Variants in TTN observed in about 807,000 individuals in gnomAD.
The protein encoded by TTN is titin, also known as connectin.
A neutral mutation model predicts 3,223.0 loss-of-function variants in TTN; 1,525 were observed. The ratio of observed to expected loss-of-function variants is 0.47; its 90% CI spans 0.45 to 0.49. The LOEUF is 0.49. Among genes scored for constraint, TTN ranks in the 20% least tolerant of loss-of-function variants. The pLI is 0.00. For synonymous variants in TTN, 14,094 were observed against 15,161.0 expected (o/e 0.93, Z 5.17); for missense variants, 40,786 against 43,424.0 (o/e 0.94, Z 5.40).
chr2:178,532,243 T>G lies in TTN; in HGVS notation c.104372A>C (p.Asp34791Ala). The change falls in exon 358 of 363, where the codon GAC becomes GCC. Residue 34791 changes from aspartate to alanine, a missense_variant. Physicochemically the swap from Asp to Ala is moderately radical, Grantham distance 126. Coordinates refer to ENST00000589042, the MANE Select transcript of TTN (RefSeq NM_001267550.2). ...QHLSEYKSELDFMSKEEKSRK... is the reference protein window; with the variant it reads ...QHLSEYKSELAFMSKEEKSRK... ...AGACTTTTCCTCCTTTGACATGAAG[T>G]CAAGTTCGCTTTTGTATTCTGAGAG... The G allele has an allele frequency of 1.2e-6, 2 of 1,613,732 alleles. No individual in the cohort carries two copies. Among genetic ancestry groups the G allele is most frequent in the Non-Finnish European group, 1.7e-6 (2 of 1,179,870 alleles).
In TTN at chr2:178,732,825, C is replaced by T. The variant is rs765915667; in HGVS notation, c.16342+9G>A. 1 of 1,600,986 alleles carries T rather than the reference C, an allele frequency of 6.2e-7. No individual in the cohort carries two copies. The highest frequency in any genetic ancestry group is 8.5e-7 in the Non-Finnish European group (1 of 1,172,390). ...TTAATAAGGATAAAATGCAAAGTCTCCAGCCAACCTTGCACAATCAGGGCT... is the reference window on the plus strand; with the variant it reads ...TTAATAAGGATAAAATGCAAAGTCTTCAGCCAACCTTGCACAATCAGGGCT... On this transcript the variant is annotated intron_variant, in intron 55 of 362. Coordinates refer to ENST00000589042, the MANE Select transcript of TTN (RefSeq NM_001267550.2).
intron 304 of TTN, 29 bp downstream of exon 304, chr2:178,588,509 T>G (rs1292389324): frequency 2.0e-6 from 3 of 1,507,172 alleles, no homozygotes; most frequent in African/African-American, 2.8e-5. Flanking sequence ...AGAGTTGCTG[T>G]AATATCAGAA....
In TTN at chr2:178,535,449, G is replaced by C. The variant is rs866885370; in HGVS notation, c.101166C>G (p.Thr33722=). 3 of 1,613,856 alleles carry C rather than the reference G, an allele frequency of 1.9e-6. No individual in the cohort carries two copies. The Middle Eastern group carries it at 4.9e-4, about 266-fold the overall frequency. ...EPASDGGSKI[T]NYIVEKCATT... ...TTGCACATTTTTCAACAATGTAGTT[G>C]GTGATTTTGCTGCCACCATCAGAGG... The change falls in exon 358 of 363, where the codon ACC becomes ACG. Residue 33722 remains threonine, a synonymous_variant. Transcript: ENST00000589042.
At position 178,591,227 on chromosome 2, in the gene TTN, A is replaced by G; in HGVS notation, c.60498T>C (p.Leu20166=). The change falls in exon 304 of 363, where the codon CTT becomes CTC. Residue 20166 remains leucine (L), a synonymous_variant. Coordinates refer to ENST00000589042, the MANE Select transcript of TTN (RefSeq NM_001267550.2). The part of the protein sequence containing the change: ...AAGSKTVAVH[L]TVLDVPGPPT... ...GTGGCCCAGGAACATCAAGAACAGT[A>G]AGATGTACGGCTACTGTTTTGCTAC... The G allele has an allele frequency of 6.2e-7, 1 of 1,613,464 alleles. No homozygotes were observed. The highest frequency in any genetic ancestry group is 8.5e-7 in the Non-Finnish European group (1 of 1,179,580).
At chr2:178,635,829 C>T in intron 226 of TTN, 114 bp from the exon 227 acceptor site, 1 of 1,512,322 alleles carries the variant, frequency 6.6e-7, no homozygotes, top group Non-Finnish European at 8.9e-7. Context: ...CATAATTAAT[C>T]CACTGTAGGA....
rs72648904 is a variant in TTN at position 178,748,924 on chromosome 2, G to A, written c.11311+4200C>T. 50,671 of 1,612,396 alleles carry A rather than the reference G, an allele frequency of 0.031. 967 individuals carry two copies. Among genetic ancestry groups the A allele is most frequent in the Non-Finnish European group, 0.037 (43,840 of 1,179,220 alleles). On this transcript the variant is annotated intron_variant, in intron 47 of 362. Transcript: ENST00000589042. ...CTCTTTGCTTTAATGAAAAGGCTTT[G>A]TCATCAATCTTCTTTTGAGGAGGAT...
At chr2:178,555,284 A>G in intron 330 of TTN, 132 bp from the exon 331 acceptor site, 1 of 860,076 alleles carries the variant, frequency 1.2e-6, no homozygotes. Flanking sequence ...AATTCTATGC[A>G]ATTATTATTT....
rs1700246631 is a variant in TTN, at chr2:178,553,748, G to A, written c.89257C>T (p.Leu29753Phe). 6.2e-7 allele frequency: 1 copy of A among 1,611,284 alleles called. No homozygotes were observed. Among genetic ancestry groups the A allele is most frequent in the African/African-American group, 1.3e-5 (1 of 74,888 alleles). ...IADSTKSSIT[L>F]GWSKPVYDGG... ...TCATAGACAGGCTTACTCCAGCCAA[G>A]GGTGATGGATGACTTGGTTGAATCT... The change falls in exon 334 of 363, where the codon CTT (leucine) becomes TTT (phenylalanine). Residue 29753 changes from leucine to phenylalanine, a missense_variant. Transcript: ENST00000589042.
At chr2:178,600,768 A>T in intron 288 of TTN, 86 bp downstream of exon 288, 1 of 1,499,490 alleles carries the variant, frequency 6.7e-7, no homozygotes, top group Non-Finnish European at 9.3e-7. Flanking sequence ...AGGTACAGAT[A>T]TAGCTCTTTT....
intron 24 of TTN, chr2:178,778,282 CT>C (rs1168430989): frequency 1.7e-4 from 58 of 348,834 alleles, no homozygotes; most frequent in Admixed American, 1.4e-3. Flanking sequence ...AGTCACTAGA[CT>C]TTTTTGATTT....
Position 178,553,613 on chromosome 2 carries a change from A to C in TTN, c.89392T>G (p.Ser29798Ala), listed in dbSNP as rs886055232. ...GEVRTTEYVV[S>A]NLKPGVNYYF... is the part of the protein sequence containing the mutation. ...TAATTGACTCCAGGTTTCAGGTTGG[A>C]TACCACATATTCTGTAGTTCTGACC... Residue 29798 changes from serine to alanine, a missense_variant, in exon 334 of 363, where the codon TCC (serine) becomes GCC (alanine). By Grantham distance (99) the Ser-to-Ala change is moderately conservative. Transcript: ENST00000589042. The C allele has an allele frequency of 1.9e-6, 3 of 1,613,894 alleles. No individual in the cohort carries two copies. In the East Asian group the frequency reaches 6.7e-5, roughly 36 times the overall value.
chr2:178,609,146 T>C (rs965048387), intron 273 of TTN, 62 bp downstream of exon 273: 44 of 1,429,536 alleles, frequency 3.1e-5, no homozygotes, highest in Middle Eastern at 3.6e-4. Flanking sequence ...TCTCCCAAAC[T>C]TTTTATTTTT....
In TTN at chr2:178,539,058, G is replaced by T; in HGVS notation, c.98877C>A (p.Val32959=). The change falls in exon 353 of 363, where the codon GTC becomes GTA. Residue 32959 remains valine, a synonymous_variant. Coordinates refer to ENST00000589042, the MANE Select transcript of TTN (RefSeq NM_001267550.2). ...ACTCAGCATCGGGAACAAGCCCTGT[G>T]ACAGTGTACATTGTGGTGGTGATCT... ...KTQITTTMYT[V]TGLVPDAEYQ... 1 of 1,613,780 alleles carries T rather than the reference G, an allele frequency of 6.2e-7. No homozygotes were observed. The highest frequency in any genetic ancestry group is 8.5e-7 in the Non-Finnish European group (1 of 1,179,730).
rs727505061 is a variant in TTN, at chr2:178,567,023, C to T, written c.79109G>A (p.Gly26370Glu). Residue 26370 changes from glycine to glutamate, a missense_variant, in exon 326 of 363, where the codon GGA (glycine) becomes GAA (glutamate). Physicochemically the swap from Gly to Glu is moderately conservative, Grantham distance 98. Transcript: ENST00000589042. ...TACTGGTGCAGATTCCAAAGGCTCT[C>T]CAACACCATATTTGTTGACAGCCAT... ...RIMAVNKYGV[G>E]EPLESAPVLM... 6 of 1,613,594 alleles carry T rather than the reference C, an allele frequency of 3.7e-6. No individual in the cohort carries two copies. Among genetic ancestry groups the T allele is most frequent in the Non-Finnish European group, 5.1e-6 (6 of 1,179,660 alleles).
At chr2:178,629,178 G>A (rs760073902) in intron 240 of TTN, 123 bp downstream of exon 240, 167 of 1,330,010 alleles carry the variant, frequency 1.3e-4, no homozygotes, top group Non-Finnish European at 1.5e-4. Flanking sequence ...GGCTAAAGGC[G>A]GAAAGAGAAA....
Position 178,592,774 on chromosome 2 carries a change from C to A in TTN, c.59344+1G>T. The A allele has an allele frequency of 1.2e-6, 2 of 1,613,314 alleles. No homozygotes were observed. The highest frequency in any genetic ancestry group is 2.2e-5 in the South Asian group (2 of 91,054). ...AACACAAGTGAGAGCATTTTACTCACCAAGCCTGTCTTTTACTAGGACTGG... is the reference window on the plus strand; with the variant it reads ...AACACAAGTGAGAGCATTTTACTCAACAAGCCTGTCTTTTACTAGGACTGG... On this transcript the variant is annotated splice_donor_variant, in intron 300 of 362. Coordinates refer to ENST00000589042, the MANE Select transcript of TTN (RefSeq NM_001267550.2). LOFTEE classifies it high-confidence loss of function.
intron 47 of TTN, among the ~76,000 whole-genome samples, chr2:178,742,214 A>G (rs1370433086): frequency 2.0e-5 from 3 of 152,108 alleles, no homozygotes; most frequent in Non-Finnish European, 4.4e-5. Flanking sequence ...TATAATTCCA[A>G]TTTTAAAGTT....
chr2:178,587,324 C>T lies in TTN; in HGVS notation c.63887G>A (p.Ser21296Asn), dbSNP rs727503583. ...CTCCACGATATAATGTGTCACTTGG[C>T]TCCCACCGTCGTTTTCAGGAGGGGC... ...SWAPPENDGG[S>N]QVTHYIVEKR... The change falls in exon 307 of 363, where the codon AGC (serine) becomes AAC (asparagine). Residue 21296 changes from serine (S) to asparagine (N), a missense_variant. By Grantham distance (46) the Ser-to-Asn change is conservative. Transcript: ENST00000589042. 15 of 1,612,706 alleles carry T rather than the reference C, an allele frequency of 9.3e-6. No individual in the cohort carries two copies. In the Admixed American group the frequency reaches 1.8e-4, roughly 20 times the overall value.
rs79666048 is a variant in TTN at position 178,532,600 on chromosome 2, G to A, written c.104015C>T (p.Ala34672Val). ...CCTCTCTTCCTCTGTTCTTTTCATT[G>A]CTAAGTAGTCATCAATGGGGAGGAG... ...ELLLPIDDYL[A>V]MKRTEEERLR... Residue 34672 changes from alanine (A) to valine (V), a missense_variant, in exon 358 of 363, where the codon GCA (alanine) becomes GTA (valine). Ala to Val is a moderately conservative substitution (Grantham distance 64). Coordinates refer to ENST00000589042, the MANE Select transcript of TTN (RefSeq NM_001267550.2). 3.2e-5 allele frequency: 52 copies of A among 1,613,886 alleles called. No homozygotes were observed. The highest frequency in any genetic ancestry group is 4.2e-5 in the Non-Finnish European group (50 of 1,179,858).
Sources: gnomAD v4.1 joint callset for allele counts (sites outside exome capture counted in the v4.1 genomes callset) on GRCh38, gnomAD v4.1.1 for gene constraint, MANE v1.5 for transcripts, NCBI Gene and HGNC (gene_info 2026-07-23, HGNC 2026-07-21) for gene names.